Variants in ADAMTS19 observed in about 807,000 individuals in gnomAD.
ADAMTS19 encodes the protein ADAM metallopeptidase with thrombospondin type 1 motif 19.
Under a neutral mutation model 153.3 loss-of-function variants are expected in ADAMTS19, and 93 were observed. That is an observed-to-expected ratio of 0.61 (90% confidence interval 0.51 to 0.72). The LOEUF is 0.72. Ranked by LOEUF, ADAMTS19 falls within the 30% of genes least tolerant of loss-of-function variation. ADAMTS19 has a pLI of 0.00. For synonymous variants in ADAMTS19, 600 were observed against 556.6 expected, an observed-to-expected ratio of 1.08 and a Z score of -1.10; for missense variants, 1,482 against 1,552.1, an observed-to-expected ratio of 0.95 and a Z score of 0.76.
At chr5:129,474,974 C>T (rs1378313223) in intron 2 of ADAMTS19, among the ~76,000 whole-genome samples, 1 of 152,020 alleles carries the variant, frequency 6.6e-6, no homozygotes. Context: ...TCTTTATATA[C>T]TCTGGATATA....
intron 8 of ADAMTS19, among the ~76,000 whole-genome samples, chr5:129,612,221 G>A (rs1751262743): frequency 1.3e-5 from 2 of 148,566 alleles, no homozygotes; most frequent in Admixed American, 1.4e-4. Context: ...AGAACATACG[G>A]TGTTTGGTTT....
chr5:129,610,350 T>C (rs1751142618), intron 8 of ADAMTS19, among the ~76,000 whole-genome samples: 1 of 152,144 alleles, frequency 6.6e-6, no homozygotes, highest in Non-Finnish European at 1.5e-5. Context: ...GCAGGTTTGT[T>C]ACATATGTAT....
intron 4 of ADAMTS19, among the ~76,000 whole-genome samples, chr5:129,527,174 T>A (rs1235296810): frequency 6.6e-6 from 1 of 151,908 alleles, no homozygotes. Flanking sequence ...TTGTGTACTC[T>A]GTTGGGCAAA....
At chr5:129,543,851 A>T (rs942187683) in intron 6 of ADAMTS19, among the ~76,000 whole-genome samples, 1 of 152,344 alleles carries the variant, frequency 6.6e-6, no homozygotes, top group East Asian at 1.9e-4. Context: ...ATAACCTATC[A>T]TACTTGGATT....
chr5:129,515,409 AT>A (rs1751568098), intron 3 of ADAMTS19, among the ~76,000 whole-genome samples: 1 of 151,880 alleles, frequency 6.6e-6, no homozygotes, highest in Admixed American at 6.6e-5. Context: ...AGCAATATTG[AT>A]TCTTCCAACC....
chr5:129,646,192 T>C (rs2127036062), intron 11 of ADAMTS19, among the ~76,000 whole-genome samples: 1 of 152,186 alleles, frequency 6.6e-6, no homozygotes, highest in African/African-American at 2.4e-5. Flanking sequence ...CCGGCCTCCT[T>C]TTCCAATTTT....
intron 6 of ADAMTS19, among the ~76,000 whole-genome samples, chr5:129,550,081 C>T (rs1270552867): frequency 2.3e-5 from 2 of 87,114 alleles, no homozygotes; most frequent in African/African-American, 4.5e-5. Flanking sequence ...TATACATATA[C>T]ATGTATCTGT....
At chr5:129,467,589 G>A (rs1424957810) in intron 2 of ADAMTS19, among the ~76,000 whole-genome samples, 1 of 152,176 alleles carries the variant, frequency 6.6e-6, no homozygotes, top group Non-Finnish European at 1.5e-5. Context: ...TGGGATGTGT[G>A]TCAGATTGAC....
rs545441679 is a variant in ADAMTS19 at position 129,608,915 on chromosome 5, C to A, written c.1479-11703C>A. 3.4e-4 allele frequency among the ~76,000 whole-genome samples: 52 copies of A among 151,382 alleles called. No individual in the cohort carries two copies. The South Asian group carries it at 0.01, about 30-fold the overall frequency. ...GAAATGCATATAAAGTATATCATCT[C>A]CTAAGACTTTTAGAATGGGAAATAG... is the stretch of plus-strand genomic sequence containing the variant. On this transcript the variant is annotated intron_variant, in intron 8 of 22. Coordinates refer to ENST00000274487, the MANE Select transcript of ADAMTS19 (RefSeq NM_133638.6).
At chr5:129,734,832 T>C in intron 21 of ADAMTS19, 100 bp from the exon 22 acceptor site, 1 of 1,092,200 alleles carries the variant, frequency 9.2e-7, no homozygotes. Flanking sequence ...TCATATTTAA[T>C]TTTAAGAAAC....
intron 7 of ADAMTS19, among the ~76,000 whole-genome samples, chr5:129,589,169 A>C (rs544511969): frequency 6.6e-6 from 1 of 151,922 alleles, no homozygotes; most frequent in Admixed American, 6.6e-5. Context: ...TCATTGCATA[A>C]ATCTCACATA....
chr5:129,602,041 C>T (rs967034085), intron 8 of ADAMTS19, among the ~76,000 whole-genome samples: 4 of 152,324 alleles, frequency 2.6e-5, no homozygotes, highest in Non-Finnish European at 5.9e-5. Flanking sequence ...TTGGAATGTG[C>T]AGATTTTAGA....
chr5:129,522,883 C>G (rs1751872925), intron 3 of ADAMTS19, among the ~76,000 whole-genome samples: 1 of 151,942 alleles, frequency 6.6e-6, no homozygotes, highest in Non-Finnish European at 1.5e-5. Flanking sequence ...TGGCGAAACC[C>G]TGTCTCTACA....
intron 7 of ADAMTS19, among the ~76,000 whole-genome samples, chr5:129,560,051 C>A (rs1180472263): frequency 1.3e-5 from 2 of 152,128 alleles, no homozygotes. Flanking sequence ...ATGAAAATGT[C>A]TTAATTTTAC....
At chr5:129,486,701 T>G (rs1358747911) in intron 2 of ADAMTS19, among the ~76,000 whole-genome samples, 5 of 152,080 alleles carry the variant, frequency 3.3e-5, no homozygotes, top group Non-Finnish European at 1.5e-5. Flanking sequence ...TTCTAACCAC[T>G]TCTATTCAAC....
intron 2 of ADAMTS19, among the ~76,000 whole-genome samples, chr5:129,507,044 T>G (rs1751289237): frequency 6.6e-6 from 1 of 152,064 alleles, no homozygotes; most frequent in African/African-American, 2.4e-5. Context: ...TTAAATTTTA[T>G]GTGATAGTGT....
intron 20 of ADAMTS19, among the ~76,000 whole-genome samples, chr5:129,702,940 AAATATATAT>A (rs1452356841): frequency 7.7e-4 from 19 of 24,662 alleles, no homozygotes; most frequent in African/African-American, 1.6e-3. Context: ...AAAAAAAAAA[AAATATATAT>A]ATATATATAT....
rs765664928 is a variant in ADAMTS19 at position 129,461,687 on chromosome 5, G to T, written c.677G>T (p.Cys226Phe). The T allele has an allele frequency of 1.3e-6, 2 of 1,573,578 alleles. No homozygotes were observed. Among genetic ancestry groups the T allele is most frequent in the Admixed American group, 1.8e-5 (1 of 56,504 alleles). ...PQPPAPPDAGCFYTGAVLRHP... is the reference protein window; with the variant it reads ...PQPPAPPDAGFFYTGAVLRHP... ...CCTCCCGCGCCACCAGACGCAGGCTGCTTCTACACCGGAGCTGTGCTGCGG... is the reference window on the plus strand; with the variant it reads ...CCTCCCGCGCCACCAGACGCAGGCTTCTTCTACACCGGAGCTGTGCTGCGG... The change falls in exon 2 of 23, where the codon TGC (cysteine) becomes TTC (phenylalanine). Residue 226 changes from cysteine to phenylalanine, a missense_variant. By Grantham distance (205) the Cys-to-Phe change is radical. Around this residue, in one of 2 missense-constraint regions of ADAMTS19, gnomAD observed 866 missense variants for 827.7 expected, o/e 1.05. Transcript: ENST00000274487. The surrounding 1 kb of genome is among the most constrained non-coding windows in gnomAD (Gnocchi z 4.6).
intron 20 of ADAMTS19, 81 bp downstream of exon 20, chr5:129,701,673 T>A: frequency 6.9e-7 from 1 of 1,458,360 alleles, no homozygotes; most frequent in Admixed American, 2.3e-5. Context: ...ATGTTCAGAA[T>A]CTGCATTGAA....
Sources: allele counts gnomAD v4.1 joint callset (sites outside exome capture counted in the v4.1 genomes callset), GRCh38; gene constraint gnomAD v4.1.1; regional missense constraint gnomAD v4.1.1; non-coding constraint Gnocchi (gnomAD v3.1); transcripts MANE v1.5; gene names NCBI Gene and HGNC (gene_info 2026-07-23, HGNC 2026-07-21).